The following SLC25A16 variants were observed in gnomAD, a reference collection of about 807,000 sequenced individuals.
The protein encoded by SLC25A16 is mitochondrial coenzyme A transporter SLC25A16.
SLC25A16 carries 39 observed loss-of-function variants against 41.5 expected under a neutral mutation model. The observed-to-expected ratio is 0.94, with a 90% confidence interval of 0.73 to 1.23. SLC25A16 has a LOEUF of 1.23. SLC25A16 is among the 50% of genes most tolerant of loss of function. The pLI, the probability that SLC25A16 is intolerant of heterozygous loss-of-function variation, is 0.00. For missense variants in SLC25A16, 421 were observed against 426.9 expected, an observed-to-expected ratio of 0.99 and a Z score of 0.12; for synonymous variants, 146 against 147.8, an observed-to-expected ratio of 0.99 and a Z score of 0.09.
chr10:68,503,679 A>G lies in SLC25A16; in HGVS notation c.374T>C (p.Leu125Pro). The change falls in exon 4 of 9, where the codon CTG becomes CCG. Residue 125 changes from leucine to proline, a missense_variant. Physicochemically the swap from Leu to Pro is moderately conservative, Grantham distance 98 (BLOSUM62 -3). Coordinates refer to ENST00000609923, the MANE Select transcript of SLC25A16 (RefSeq NM_152707.4). Reference sequence around the variant, plus strand: ...TCTGTGCACATGACCTGAAATTCCCAGCTTCGTAGTAATTAACTAGAAAAC... The same window carrying G: ...TCTGTGCACATGACCTGAAATTCCCGGCTTCGTAGTAATTAACTAGAAAAC... Reference protein sequence around the residue: ...EHYKTLITTKLGISGHVHRLM... With the variant: ...EHYKTLITTKPGISGHVHRLM... 1 of 1,604,470 alleles carries G rather than the reference A, an allele frequency of 6.2e-7. No individual in the cohort carries two copies. Among genetic ancestry groups the G allele is most frequent in the Non-Finnish European group, 8.5e-7 (1 of 1,172,706 alleles).
At chr10:68,493,400 C>G (rs1564913095) in intron 5 of SLC25A16, 49 bp downstream of exon 5, 2 of 1,500,178 alleles carry the variant, frequency 1.3e-6, no homozygotes, top group Non-Finnish European at 1.8e-6. Context: ...AAATATTTTC[C>G]TAAGTATAAA....
chr10:68,502,658 G>A (rs1396564722), intron 4 of SLC25A16, among the ~76,000 whole-genome samples: 1 of 147,264 alleles, frequency 6.8e-6, no homozygotes, highest in Non-Finnish European at 1.5e-5. Flanking sequence ...CTTGAGCCTG[G>A]GAAGTGAGGG....
chr10:68,485,828 C>T (rs1219452182), intron 8 of SLC25A16, among the ~76,000 whole-genome samples: 3 of 144,712 alleles, frequency 2.1e-5, no homozygotes, highest in African/African-American at 7.8e-5. Context: ...GATGGAGTCT[C>T]ACTCTATCGC....
At chr10:68,523,782 C>A (rs556120992) in intron 1 of SLC25A16, among the ~76,000 whole-genome samples, 2 of 152,176 alleles carry the variant, frequency 1.3e-5, no homozygotes, top group East Asian at 3.9e-4. Context: ...GCCTAAATGT[C>A]ATTTTATCAG....
intron 2 of SLC25A16, among the ~76,000 whole-genome samples, chr10:68,509,756 T>TATATAG (rs1554919984): frequency 2.0e-5 from 3 of 148,146 alleles, no homozygotes; most frequent in African/African-American, 7.4e-5. Flanking sequence ...TATATATAGA[T>TATATAG]ATATAGATAT....
chr10:68,493,502 C>G lies in SLC25A16; in HGVS notation c.490G>C (p.Gly164Arg). ...VRVRLAFQVK[G>R]EHSYTGIIHA... ...ATAATTCCTGTATAGCTGTGTTCCC[C>G]TTTCACCTGGAATGCTAGGCGGACC... The change falls in exon 5 of 9, where the codon GGG becomes CGG. Residue 164 changes from glycine (G) to arginine (R), a missense_variant. Gly to Arg is a moderately radical substitution (Grantham distance 125, BLOSUM62 -2). Transcript: ENST00000609923. 1 of 1,613,318 alleles carries G rather than the reference C, an allele frequency of 6.2e-7. No homozygotes were observed. The highest frequency in any genetic ancestry group is 1.7e-5 in the Admixed American group (1 of 59,998).
intron 1 of SLC25A16, among the ~76,000 whole-genome samples, chr10:68,521,448 GA>G (rs1201183399): frequency 2.0e-5 from 3 of 152,022 alleles, no homozygotes; most frequent in East Asian, 1.9e-4. Context: ...AGAATCGCTT[GA>G]ACCCAAGAAG....
At chr10:68,490,699 A>G (rs979174231) in intron 6 of SLC25A16, among the ~76,000 whole-genome samples, 3 of 151,916 alleles carry the variant, frequency 2.0e-5, no homozygotes, top group African/African-American at 4.8e-5. Context: ...AAAAAAAAAA[A>G]CTTCCTTAAC....
rs575042111 is a variant in SLC25A16 at position 68,522,619 on chromosome 10, T to C, written c.130+4627A>G. Among the ~76,000 whole-genome samples the C allele has an allele frequency of 4.6e-5, 7 of 152,006 alleles. No individual in the cohort carries two copies. The East Asian group carries it at 1.4e-3, about 30-fold the overall frequency. On this transcript the variant is annotated intron_variant, in intron 1 of 8. Coordinates refer to ENST00000609923, the MANE Select transcript of SLC25A16 (RefSeq NM_152707.4). ...TCACGAGGTCAGGAGATCAAGACCA[T>C]CCTTGCTAACACGGTGAAACCCCGT... is the stretch of plus-strand genomic sequence containing the variant.
Position 68,527,482 on chromosome 10 carries a change from G to C in SLC25A16, c.-107C>G. 2 of 1,134,560 alleles carry C rather than the reference G, an allele frequency of 1.8e-6. No individual in the cohort carries two copies. The highest frequency in any genetic ancestry group is 2.4e-6 in the Non-Finnish European group (2 of 849,226). The allele number at this position is 1,134,560 out of a possible 1,614,324, so 70.3% of individuals were successfully genotyped here. On this transcript the variant is annotated 5_prime_UTR_variant, in exon 1 of 9. Coordinates refer to ENST00000609923, the MANE Select transcript of SLC25A16 (RefSeq NM_152707.4). Reference sequence around the variant, plus strand: ...GGAGGCTGACCGCCCCGCCGGCGGGGCAAAGTAACACCCGGCGGCGCGGCG... The same window carrying C: ...GGAGGCTGACCGCCCCGCCGGCGGGCCAAAGTAACACCCGGCGGCGCGGCG...
intron 1 of SLC25A16, among the ~76,000 whole-genome samples, chr10:68,522,177 AAAAAG>A (rs2053261365): frequency 6.6e-6 from 1 of 152,030 alleles, no homozygotes; most frequent in Non-Finnish European, 1.5e-5. Flanking sequence ...AAAAAAAAGA[AAAAAG>A]AAAAGAAGGA....
intron 2 of SLC25A16, among the ~76,000 whole-genome samples, chr10:68,514,579 A>G (rs1362024032): frequency 6.6e-6 from 1 of 152,200 alleles, no homozygotes; most frequent in Non-Finnish European, 1.5e-5. Flanking sequence ...ATAATCTCCT[A>G]GAACTGGAAC....
At chr10:68,517,897 G>C (rs2053186106) in intron 1 of SLC25A16, 1 of 150,146 alleles carries the variant, frequency 6.7e-6, no homozygotes, top group Non-Finnish European at 1.5e-5. Context: ...CTTGAACCCA[G>C]GAGGCCGAGG....
chr10:68,481,608 G>A lies in SLC25A16; in HGVS notation c.*1824C>T, dbSNP rs2052484566. The A allele has an allele frequency of 6.6e-6, 1 of 151,344 alleles. No individual in the cohort carries two copies. The highest frequency in any genetic ancestry group is 2.1e-4 in the South Asian group (1 of 4,780). The allele number at this position is 151,344 out of a possible 1,614,324, so 9.4% of individuals were successfully genotyped here. On this transcript the variant is annotated 3_prime_UTR_variant, in exon 9 of 9. Transcript: ENST00000609923. ...AGCCACCACGCCTGGACTCAACTTAGTTTTCTAATGTCTCCTTTTTTTTGA... is the reference window on the plus strand; with the variant it reads ...AGCCACCACGCCTGGACTCAACTTAATTTTCTAATGTCTCCTTTTTTTTGA...
chr10:68,524,133 A>AC (rs1286940084), intron 1 of SLC25A16, among the ~76,000 whole-genome samples: 3 of 151,088 alleles, frequency 2.0e-5, no homozygotes, highest in Admixed American at 6.6e-5. Flanking sequence ...ATATGGTGAA[A>AC]CCCCGTCTCT....
At chr10:68,508,403 TAAAAAAAA>T (rs59336332) in intron 2 of SLC25A16, among the ~76,000 whole-genome samples, 1 of 126,146 alleles carries the variant, frequency 7.9e-6, no homozygotes, top group Non-Finnish European at 1.6e-5. Context: ...CAGGAAGCTT[TAAAAAAAA>T]AAAAAAAAAA....
At chr10:68,492,759 T>A (rs1380453434) in intron 6 of SLC25A16, among the ~76,000 whole-genome samples, 1 of 152,202 alleles carries the variant, frequency 6.6e-6, no homozygotes, top group East Asian at 1.9e-4. Context: ...TTATTTTTCT[T>A]CTTTCTACTT....
At chr10:68,527,169 GCC>G in intron 1 of SLC25A16, 75 bp downstream of exon 1, 1 of 1,463,230 alleles carries the variant, frequency 6.8e-7, no homozygotes, top group Non-Finnish European at 9.2e-7. Context: ...TGTCATAGAG[GCC>G]GCTTGCATCC....
chr10:68,508,161 G>A (rs1003424923), intron 2 of SLC25A16, among the ~76,000 whole-genome samples: 7 of 151,974 alleles, frequency 4.6e-5, no homozygotes, highest in Non-Finnish European at 8.8e-5. Context: ...GCAGTGAGCC[G>A]AGATTGCACC....
Sources: allele counts gnomAD v4.1 joint callset (sites outside exome capture counted in the v4.1 genomes callset), GRCh38; gene constraint gnomAD v4.1.1; transcripts MANE v1.5; gene names NCBI Gene and HGNC (gene_info 2026-07-23, HGNC 2026-07-21).